PDE1C: variants seen among roughly 807,000 people sequenced by gnomAD.
The protein encoded by PDE1C is phosphodiesterase 1C, also known as dual specificity calcium/calmodulin-dependent 3',5'-cyclic nucleotide phosphodiesterase 1C.
In PDE1C, 62 loss-of-function variants were observed where a neutral mutation model predicts 93.1. The ratio of observed to expected loss-of-function variants is 0.67; its 90% CI spans 0.54 to 0.82. The LOEUF (loss-of-function observed/expected upper bound fraction) is 0.82, where lower values mean the gene tolerates loss of function less well. Among genes scored for constraint, PDE1C ranks in the 40% least tolerant of loss-of-function variants. The pLI, the probability that PDE1C is intolerant of heterozygous loss-of-function variation, is 0.00. For missense variants in PDE1C, 742 were observed against 884.6 expected (o/e 0.84, Z 2.04); for synonymous variants, 325 against 310.1 (o/e 1.05, Z -0.50).
intron 11 of PDE1C, 38 bp from the exon 12 acceptor site, chr7:31,828,411 T>G: frequency 6.5e-7 from 1 of 1,543,040 alleles, no homozygotes; most frequent in Non-Finnish European, 8.9e-7. Flanking sequence ...TAAGGAACAG[T>G]AGGCTGGGTC....
chr7:31,873,072 C>A (rs542735290), intron 6 of PDE1C, among the ~76,000 whole-genome samples: 67 of 152,236 alleles, frequency 4.4e-4, no homozygotes, highest in Non-Finnish European at 7.8e-4. Flanking sequence ...CTAAATGGGT[C>A]TCTCCTGTCT....
intron 17 of PDE1C, among the ~76,000 whole-genome samples, chr7:31,774,407 T>C (rs1461174439): frequency 1.3e-5 from 2 of 152,184 alleles, no homozygotes; most frequent in Non-Finnish European, 2.9e-5. Flanking sequence ...AAGGGGATCA[T>C]GAAATGGACA....
rs751790536 is a variant in PDE1C at position 31,877,976 on chromosome 7, T to C, written c.486A>G (p.Ala162=). ...GLSYPPAVIE[A]LKDVDKWSFD... ...ATCTTTTCACTCGTATTACCTTTAA[T>C]GCCTCAATAACAGCTGGTGGATAGC... Residue 162 remains alanine (A), a synonymous_variant, in exon 5 of 18, where the codon GCA becomes GCG. Coordinates refer to ENST00000396191, the MANE Select transcript of PDE1C (RefSeq NM_001191057.4). 1 of 1,609,494 alleles carries C rather than the reference T, an allele frequency of 6.2e-7. No homozygotes were observed. Among genetic ancestry groups the C allele is most frequent in the Non-Finnish European group, 8.5e-7 (1 of 1,176,192 alleles).
chr7:32,298,584 A>T (rs900219072), intron 1 of PDE1C: 1 of 1,530,514 alleles, frequency 6.5e-7, no homozygotes, highest in Non-Finnish European at 8.8e-7. Flanking sequence ...TTAGAAAGGA[A>T]CTCTGACCGC....
chr7:32,174,697 A>G (rs913440554), intron 2 of PDE1C, among the ~76,000 whole-genome samples: 1 of 152,130 alleles, frequency 6.6e-6, no homozygotes, highest in African/African-American at 2.4e-5. Context: ...TTATCCTCCA[A>G]GCAATAAAAA....
At chr7:31,997,417 T>G (rs1403119324) in intron 2 of PDE1C, among the ~76,000 whole-genome samples, 1 of 152,200 alleles carries the variant, frequency 6.6e-6, no homozygotes, top group Non-Finnish European at 1.5e-5. Flanking sequence ...GGTCTTTTTG[T>G]GGACAGAACA....
At chr7:31,668,847 C>T in the PDE1C span, among the ~76,000 whole-genome samples, 124,887 of 152,032 alleles carry the variant, frequency 0.82, 51,854 homozygotes, top group African/African-American at 0.95. Context: ...CAATGAACTA[C>T]TAAAAAAAAA....
chr7:31,980,487 T>C (rs1156761310), intron 2 of PDE1C, among the ~76,000 whole-genome samples: 3 of 152,198 alleles, frequency 2.0e-5, no homozygotes, highest in Non-Finnish European at 4.4e-5. Context: ...ATTGCTATTT[T>C]TTCCACATTT....
chr7:31,761,871 C>G (rs1047253673), intron 17 of PDE1C, among the ~76,000 whole-genome samples: 1 of 152,084 alleles, frequency 6.6e-6, no homozygotes, highest in African/African-American at 2.4e-5. Flanking sequence ...GGCACTGTCC[C>G]CATAGGACTT....
chr7:31,663,106 G>C, the PDE1C span, among the ~76,000 whole-genome samples: 1 of 152,108 alleles, frequency 6.6e-6, no homozygotes, highest in African/African-American at 2.4e-5. Context: ...CCTCTATCCA[G>C]CTATTACCCG....
At chr7:31,738,149 C>T in the PDE1C span, among the ~76,000 whole-genome samples, 1 of 152,066 alleles carries the variant, frequency 6.6e-6, no homozygotes. Flanking sequence ...AGTGCGAGAC[C>T]CAGGAAGAGT....
At chr7:32,427,984 G>A (rs575437631) in exon 1 of PDE1C, 27 of 152,384 alleles carry the variant, frequency 1.8e-4, no homozygotes, top group Admixed American at 1.2e-3. Flanking sequence ...TCCCCACGCC[G>A]GGGTCCCGGC....
chr7:31,847,943 A>G, intron 9 of PDE1C, 25 bp downstream of exon 9: 1 of 1,611,250 alleles, frequency 6.2e-7, no homozygotes, highest in Non-Finnish European at 8.5e-7. Flanking sequence ...CTGGCCTACA[A>G]ATCTCTCTCT....
At chr7:31,868,667 G>A (rs1243822051) in intron 6 of PDE1C, among the ~76,000 whole-genome samples, 1 of 152,036 alleles carries the variant, frequency 6.6e-6, no homozygotes, top group Non-Finnish European at 1.5e-5. Context: ...CGTAGCAATA[G>A]ACTTAGACAC....
the PDE1C span, chr7:31,696,997 G>A: frequency 1.2e-5 from 19 of 1,613,894 alleles, no homozygotes; most frequent in Non-Finnish European, 1.5e-5. Context: ...TAAAAGATAC[G>A]ATGTTCAAGA....
chr7:32,086,493 G>C (rs1797085601), intron 3 of PDE1C, among the ~76,000 whole-genome samples: 2 of 152,058 alleles, frequency 1.3e-5, no homozygotes, highest in South Asian at 4.2e-4. Flanking sequence ...TCACAGAATT[G>C]GAAAAAACTA....
At chr7:31,643,457 A>G in the PDE1C span, 1 of 1,614,010 alleles carries the variant, frequency 6.2e-7, no homozygotes, top group Non-Finnish European at 8.5e-7. Flanking sequence ...GCTGAGATGG[A>G]AAACCTTCCT....
At chr7:31,902,174 G>A (rs1300283784) in intron 2 of PDE1C, among the ~76,000 whole-genome samples, 1 of 151,136 alleles carries the variant, frequency 6.6e-6, no homozygotes, top group Non-Finnish European at 1.5e-5. Flanking sequence ...TAGGACATGA[G>A]AAAAAATCTA....
At chr7:31,931,257 G>A (rs1282343396) in intron 2 of PDE1C, among the ~76,000 whole-genome samples, 1 of 152,156 alleles carries the variant, frequency 6.6e-6, no homozygotes, top group Non-Finnish European at 1.5e-5. Context: ...GCAAGAGAAA[G>A]AAAGAAAGTG....
Sources: allele counts gnomAD v4.1 joint callset (sites outside exome capture counted in the v4.1 genomes callset), GRCh38; gene constraint gnomAD v4.1.1; transcripts MANE v1.5; gene names NCBI Gene and HGNC (gene_info 2026-07-23, HGNC 2026-07-21).